Variants in MYO16 observed in about 807,000 individuals in gnomAD.
MYO16 encodes the protein unconventional myosin-XVI.
In MYO16, 94 loss-of-function variants were observed where a neutral mutation model predicts 205.3. The ratio of observed to expected loss-of-function variants is 0.46; its 90% CI spans 0.39 to 0.54. MYO16 has a LOEUF of 0.54. Among genes scored for constraint, MYO16 ranks in the 20% least tolerant of loss-of-function variants. MYO16 has a pLI of 0.00. For missense variants in MYO16, 2,315 were observed against 2,387.5 expected (o/e 0.97, Z 0.63); for synonymous variants, 988 against 954.0 (o/e 1.04, Z -0.66).
chr13:108,596,118 G>C (rs568311709), upstream of MYO16: 1 of 151,484 alleles, frequency 6.6e-6, no homozygotes, highest in African/African-American at 2.4e-5. Context: ...GGGGACGGGG[G>C]AGGGATGTGT....
chr13:108,534,159 A>G, the MYO16 span, among the ~76,000 whole-genome samples: 1 of 152,162 alleles, frequency 6.6e-6, no homozygotes, highest in Non-Finnish European at 1.5e-5. Context: ...ACTTGTGTCT[A>G]AAAATTGTTT....
At chr13:108,587,537 T>C in the MYO16 span, among the ~76,000 whole-genome samples, 1 of 152,148 alleles carries the variant, frequency 6.6e-6, no homozygotes, top group Non-Finnish European at 1.5e-5. Context: ...ACAGCAAGTT[T>C]TAGCAACAAA....
intron 32 of MYO16, among the ~76,000 whole-genome samples, chr13:109,147,907 T>C (rs1317120347): frequency 6.6e-6 from 1 of 152,196 alleles, no homozygotes; most frequent in Non-Finnish European, 1.5e-5. Context: ...AAGGGGGGTC[T>C]CCATTTATCA....
intron 7 of MYO16, among the ~76,000 whole-genome samples, chr13:108,812,751 G>A (rs1025165187): frequency 6.6e-6 from 1 of 152,118 alleles, no homozygotes; most frequent in Non-Finnish European, 1.5e-5. Flanking sequence ...GGGTGTTTAG[G>A]TCATGAGGGT....
In MYO16 at chr13:108,781,102, G is replaced by A. The variant is rs570753295; in HGVS notation, c.508-4533G>A. On this transcript the variant is annotated intron_variant, in intron 4 of 34. Transcript: ENST00000457511. ...AATTAAGAATACATGACTCCTAATT[G>A]TATTCACTATCACCTGTGCCCAGGT... is the stretch of plus-strand genomic sequence containing the variant. Among the ~76,000 whole-genome samples the A allele has an allele frequency of 4.6e-5, 7 of 152,270 alleles. 1 individual carries two copies. Among genetic ancestry groups the A allele is most frequent in the African/African-American group, 1.7e-4 (7 of 41,548 alleles).
intron 20 of MYO16, among the ~76,000 whole-genome samples, chr13:108,972,077 A>C (rs1211700648): frequency 1.3e-5 from 2 of 148,882 alleles, no homozygotes; most frequent in Non-Finnish European, 3.0e-5. Context: ...GTGTGATGGT[A>C]CATACCTGTG....
intron 27 of MYO16, among the ~76,000 whole-genome samples, chr13:109,097,722 C>G (rs1888823456): frequency 6.6e-6 from 1 of 152,170 alleles, no homozygotes; most frequent in Admixed American, 6.5e-5. Context: ...CAAATTCAGT[C>G]TCAGTTACTT....
In MYO16 at chr13:108,654,507, A is replaced by ATTT. The variant is rs372141657; in HGVS notation, c.29-11378_29-11377insTTT. On this transcript the variant is annotated intron_variant, in intron 1 of 34. Coordinates refer to ENST00000457511, the MANE Select transcript of MYO16 (RefSeq NM_001198950.3). The stretch of plus-strand genomic sequence containing the variant: ...AACCTCTTTTCCTTCCCAGTCTTGG[A>ATTT]TATGTCTTTATCAGCAGCACGAAAA... Among the ~76,000 whole-genome samples the ATTT allele has an allele frequency of 1.3e-3, 191 of 152,290 alleles. 6 individuals carry two copies. Among genetic ancestry groups the ATTT allele is most frequent in the African/African-American group, 4.1e-3 (170 of 41,570 alleles).
intron 24 of MYO16, 90 bp downstream of exon 24, chr13:109,047,081 C>A: frequency 1.0e-6 from 1 of 989,768 alleles, no homozygotes; most frequent in Non-Finnish European, 1.6e-6. Flanking sequence ...AGAAAATATG[C>A]TACCAGCTAA....
chr13:108,991,802 G>C (rs1435728154), intron 20 of MYO16, among the ~76,000 whole-genome samples: 4 of 152,220 alleles, frequency 2.6e-5, no homozygotes, highest in African/African-American at 9.6e-5. Context: ...TAAGGGAAAA[G>C]AAGTCCAACC....
At chr13:108,605,018 A>T (rs1878899908) in intron 1 of MYO16, among the ~76,000 whole-genome samples, 1 of 152,292 alleles carries the variant, frequency 6.6e-6, no homozygotes, top group African/African-American at 2.4e-5. Flanking sequence ...CTACTTTTTC[A>T]GGAATTATCA....
intron 1 of MYO16, among the ~76,000 whole-genome samples, chr13:108,631,235 C>T (rs1456950957): frequency 6.6e-6 from 1 of 152,188 alleles, no homozygotes; most frequent in Non-Finnish European, 1.5e-5. Context: ...ATCTTTCCTA[C>T]AAGGAACCTG....
chr13:109,076,654 A>G (rs1213927852), intron 27 of MYO16, among the ~76,000 whole-genome samples: 1 of 152,166 alleles, frequency 6.6e-6, no homozygotes, highest in Non-Finnish European at 1.5e-5. Flanking sequence ...ACTCCGCAAG[A>G]GTAGAACCTT....
chr13:109,160,812 C>T (rs566208080), intron 32 of MYO16, among the ~76,000 whole-genome samples: 1 of 152,330 alleles, frequency 6.6e-6, no homozygotes, highest in East Asian at 1.9e-4. Flanking sequence ...CTCCTGAAAG[C>T]ATGCATCATG....
At chr13:108,914,810 T>A (rs749744813) in intron 16 of MYO16, among the ~76,000 whole-genome samples, 13 of 152,112 alleles carry the variant, frequency 8.5e-5, no homozygotes, top group Non-Finnish European at 1.5e-4. Context: ...ATCTGGCTGA[T>A]TTTTGTATTT....
chr13:108,971,436 ATCTC>A (rs940417390), intron 20 of MYO16, among the ~76,000 whole-genome samples: 10 of 150,204 alleles, frequency 6.7e-5, no homozygotes, highest in African/African-American at 1.5e-4. Context: ...TCTATCAGTC[ATCTC>A]TCTATCTATC....
intron 27 of MYO16, among the ~76,000 whole-genome samples, chr13:109,076,504 A>T (rs1888108409): frequency 6.6e-6 from 1 of 152,136 alleles, no homozygotes; most frequent in South Asian, 2.1e-4. Flanking sequence ...GCTCCAGGAG[A>T]AGCCTCTACT....
At chr13:109,006,305 T>C (rs1200484257) in intron 21 of MYO16, among the ~76,000 whole-genome samples, 1 of 152,220 alleles carries the variant, frequency 6.6e-6, no homozygotes, top group African/African-American at 2.4e-5. Flanking sequence ...AGTGGCGTGA[T>C]CTCAGCTAAC....
At position 108,620,385 on chromosome 13, in the gene MYO16, G is replaced by A. The variant is rs533675845; in HGVS notation, c.-39+24146G>A. On this transcript the variant is annotated intron_variant, in intron 1 of 24. Transcript: ENST00000251041. Reference sequence around the variant, plus strand: ...ACCTGAGTTTTAGGGCTGCTCTGATGTTTGATGTTGAAGCCACACTGAAGA... The same window carrying A: ...ACCTGAGTTTTAGGGCTGCTCTGATATTTGATGTTGAAGCCACACTGAAGA... 3.3e-5 allele frequency among the ~76,000 whole-genome samples: 5 copies of A among 152,220 alleles called. No individual in the cohort carries two copies. In the South Asian group the frequency reaches 8.3e-4, roughly 25 times the overall value.
Sources: allele counts gnomAD v4.1 joint callset (sites outside exome capture counted in the v4.1 genomes callset), GRCh38; gene constraint gnomAD v4.1.1; transcripts MANE v1.5; gene names NCBI Gene and HGNC (gene_info 2026-07-23, HGNC 2026-07-21).